GRM7: variants seen among roughly 807,000 people sequenced by gnomAD.
The protein encoded by GRM7 is glutamate metabotropic receptor 7, also known as metabotropic glutamate receptor 7.
A neutral mutation model predicts 84.5 loss-of-function variants in GRM7; 35 were observed. The ratio of observed to expected loss-of-function variants is 0.41; its 90% CI spans 0.32 to 0.55. The LOEUF (loss-of-function observed/expected upper bound fraction) is 0.55. GRM7 is among the 20% of genes least tolerant of loss of function. GRM7 has a pLI of 0.19. For missense variants in GRM7, 1,003 were observed against 1,194.6 expected (o/e 0.84, Z 2.36); for synonymous variants, 487 against 455.1 (o/e 1.07, Z -0.89).
chr3:7,414,286 G>A (rs1187431863), intron 4 of GRM7, among the ~76,000 whole-genome samples: 1 of 152,090 alleles, frequency 6.6e-6, no homozygotes, highest in Admixed American at 6.6e-5. Context: ...ATACTGTGGG[G>A]GAAGGAGATG....
chr3:7,384,056 T>C (rs1208997034), intron 4 of GRM7, among the ~76,000 whole-genome samples: 2 of 151,930 alleles, frequency 1.3e-5, no homozygotes, highest in Non-Finnish European at 2.9e-5. Flanking sequence ...GGAGACAGAG[T>C]CCCACTCTCT....
At chr3:7,599,966 AG>A (rs1208426446) in intron 8 of GRM7, among the ~76,000 whole-genome samples, 1 of 152,140 alleles carries the variant, frequency 6.6e-6, no homozygotes, top group Admixed American at 6.5e-5. Context: ...TTATCACCTT[AG>A]CAACAATTGA....
intron 1 of GRM7, among the ~76,000 whole-genome samples, chr3:7,075,692 A>G (rs891934096): frequency 2.0e-5 from 3 of 151,850 alleles, no homozygotes; most frequent in Non-Finnish European, 4.4e-5. Flanking sequence ...TGCCCAGCCA[A>G]TTTTTGTATT....
At chr3:7,270,789 A>C (rs1698825056) in intron 2 of GRM7, among the ~76,000 whole-genome samples, 1 of 152,222 alleles carries the variant, frequency 6.6e-6, no homozygotes, top group African/African-American at 2.4e-5. Context: ...TATCCAAAGT[A>C]ACCACTTCGA....
At chr3:7,532,251 C>T (rs530957656) in intron 7 of GRM7, among the ~76,000 whole-genome samples, 21 of 152,036 alleles carry the variant, frequency 1.4e-4, no homozygotes, top group African/African-American at 4.3e-4. Flanking sequence ...TCCGTTTGGT[C>T]GGGCTTTTTT....
intron 5 of GRM7, among the ~76,000 whole-genome samples, chr3:7,439,531 G>C (rs1253498233): frequency 2.0e-5 from 3 of 152,180 alleles, no homozygotes; most frequent in African/African-American, 7.2e-5. Flanking sequence ...AACTGTGGCA[G>C]GCTAACTTGT....
In GRM7 at chr3:7,104,262, T is replaced by C. The variant is rs142780544; in HGVS notation, c.520-42190T>C. On this transcript the variant is annotated intron_variant, in intron 1 of 9. Coordinates refer to ENST00000357716, the MANE Select transcript of GRM7 (RefSeq NM_000844.4). ...TTCTTTTCTGTTCTGCTCTCTTTTA[T>C]GTGAGGAAAGACCAAAAAGGTTGAC... is the stretch of plus-strand genomic sequence containing the variant. Among the ~76,000 whole-genome samples, 1,333 of 151,738 alleles carry C rather than the reference T, an allele frequency of 8.8e-3. 19 individuals are homozygous for C. Among genetic ancestry groups the C allele is most frequent in the African/African-American group, 0.03 (1,262 of 41,470 alleles).
intron 5 of GRM7, 96 bp from the exon 6 acceptor site, chr3:7,452,511 T>C: frequency 1.2e-6 from 1 of 844,742 alleles, no homozygotes; most frequent in Non-Finnish European, 2.0e-6. Flanking sequence ...TCTTTAAGCA[T>C]AATTGAAAGT....
At chr3:7,684,799 T>C (rs1195978445) in intron 9 of GRM7, among the ~76,000 whole-genome samples, 1 of 152,268 alleles carries the variant, frequency 6.6e-6, no homozygotes, top group African/African-American at 2.4e-5. Flanking sequence ...CTTGCTAGTC[T>C]CTGCACTTAG....
At chr3:7,738,994 C>T (rs962872537) in intron 9 of GRM7, among the ~76,000 whole-genome samples, 19 of 152,182 alleles carry the variant, frequency 1.2e-4, no homozygotes, top group Non-Finnish European at 2.6e-4. Context: ...TGAGGACATA[C>T]GGTGACTCAG....
intron 3 of GRM7, among the ~76,000 whole-genome samples, chr3:7,302,981 C>T (rs1700059991): frequency 7.2e-6 from 1 of 139,688 alleles, no homozygotes; most frequent in Non-Finnish European, 1.5e-5. Flanking sequence ...CGCTCTGTTG[C>T]CCAGGCTGGA....
At chr3:7,239,349 A>G (rs904179917) in intron 2 of GRM7, among the ~76,000 whole-genome samples, 7 of 152,046 alleles carry the variant, frequency 4.6e-5, no homozygotes, top group Admixed American at 6.6e-5. Flanking sequence ...TAGTAAAAGC[A>G]CCGTGGGCTT....
chr3:7,390,183 C>CA (rs1694936642), intron 4 of GRM7, among the ~76,000 whole-genome samples: 1 of 152,080 alleles, frequency 6.6e-6, no homozygotes, highest in Admixed American at 6.6e-5. Flanking sequence ...AATGCGCCCC[C>CA]AATCTCTTCT....
At chr3:6,889,557 C>G (rs1695847645) in intron 1 of GRM7, among the ~76,000 whole-genome samples, 1 of 152,090 alleles carries the variant, frequency 6.6e-6, no homozygotes, top group Admixed American at 6.6e-5. Flanking sequence ...TATATTGAAC[C>G]AGCCTTGCAT....
intron 1 of GRM7, among the ~76,000 whole-genome samples, chr3:6,893,572 T>C (rs1696054350): frequency 6.6e-6 from 1 of 152,156 alleles, no homozygotes; most frequent in Admixed American, 6.6e-5. Context: ...CCATTAGTTT[T>C]ATAGGTGCTC....
intron 8 of GRM7, among the ~76,000 whole-genome samples, chr3:7,674,533 T>C (rs1700053858): frequency 6.6e-6 from 1 of 152,222 alleles, no homozygotes; most frequent in African/African-American, 2.4e-5. Flanking sequence ...TTGTATAATA[T>C]GTATACATTA....
intron 1 of GRM7, among the ~76,000 whole-genome samples, chr3:7,103,521 C>A (rs1247705760): frequency 6.6e-6 from 1 of 151,728 alleles, no homozygotes; most frequent in African/African-American, 2.4e-5. Context: ...TTGTTTTGGG[C>A]CAATGTTTCC....
chr3:7,716,056 G>C (rs1352569076), intron 9 of GRM7, among the ~76,000 whole-genome samples: 1 of 152,040 alleles, frequency 6.6e-6, no homozygotes, highest in Non-Finnish European at 1.5e-5. Context: ...CTCTCCCAAG[G>C]AACCTATCAC....
chr3:7,127,759 T>G (rs1693449563), intron 1 of GRM7, among the ~76,000 whole-genome samples: 1 of 152,174 alleles, frequency 6.6e-6, no homozygotes, highest in African/African-American at 2.4e-5. Flanking sequence ...AGAAACTGGT[T>G]TGGGATATTT....
Sources: allele counts gnomAD v4.1 joint callset (sites outside exome capture counted in the v4.1 genomes callset), GRCh38; gene constraint gnomAD v4.1.1; transcripts MANE v1.5; gene names NCBI Gene and HGNC (gene_info 2026-07-23, HGNC 2026-07-21).